The following SLC45A4 variants were observed in gnomAD, a reference collection of about 807,000 sequenced individuals.
SLC45A4 encodes the protein polyamine-transporter SLC45A4.
A neutral mutation model predicts 63.7 loss-of-function variants in SLC45A4; 32 were observed. The ratio of observed to expected loss-of-function variants is 0.50; its 90% confidence interval spans 0.38 to 0.67. The LOEUF is 0.67. Among genes scored for constraint, SLC45A4 ranks in the 30% least tolerant of loss-of-function variants. The pLI is 0.00. For synonymous variants in SLC45A4, 535 were observed against 510.0 expected (o/e 1.05, Z -0.66); for missense variants, 1,027 against 1,157.7 (o/e 0.89, Z 1.64).
intron 4 of SLC45A4, among the ~76,000 whole-genome samples, 194 bp from the exon 5 acceptor site, chr8:141,219,223 G>A (rs1381741489): frequency 1.3e-5 from 2 of 152,254 alleles, no homozygotes; most frequent in East Asian, 1.9e-4. Flanking sequence ...ATTCTGACCC[G>A]ACAGAACTGC....
intron 2 of SLC45A4, among the ~76,000 whole-genome samples, chr8:141,237,286 G>A (rs1439467411): frequency 6.6e-6 from 1 of 152,036 alleles, no homozygotes; most frequent in African/African-American, 2.4e-5. Context: ...GTCCTTCCCT[G>A]CCTGAAACAC....
At position 141,221,624 on chromosome 8, in the gene SLC45A4, A is replaced by G; in HGVS notation, c.383T>C (p.Val128Ala). 1 of 1,613,994 alleles carries G rather than the reference A, an allele frequency of 6.2e-7. No individual in the cohort carries two copies. Among genetic ancestry groups the G allele is most frequent in the Non-Finnish European group, 8.5e-7 (1 of 1,180,042 alleles). The change falls in exon 3 of 9, where the codon GTT becomes GCT. Residue 128 changes from valine (V) to alanine (A), a missense_variant. Physicochemically the swap from Val to Ala is moderately conservative, Grantham distance 64. Coordinates refer to ENST00000517878, the MANE Select transcript of SLC45A4 (RefSeq NM_001286646.2). ...AAGTGCAACGCCAAAGAGGACGCCA[A>G]CGCAGAGGGCGAGGATGAAGGGCCG... ...RRRPFILALC[V>A]GVLFGVALFL...
chr8:141,242,783 T>G (rs1827978034), intron 2 of SLC45A4, among the ~76,000 whole-genome samples: 1 of 152,142 alleles, frequency 6.6e-6, no homozygotes, highest in Admixed American at 6.5e-5. Flanking sequence ...GGCCCGAGAC[T>G]GGAGGCCACA....
intron 1 of SLC45A4, among the ~76,000 whole-genome samples, chr8:141,259,425 G>A (rs897199292): frequency 7.9e-5 from 12 of 152,182 alleles, no homozygotes; most frequent in Admixed American, 4.6e-4. Context: ...ATCACCCTTC[G>A]GAGCAGGCTG....
intron 1 of SLC45A4, among the ~76,000 whole-genome samples, chr8:141,295,134 C>T (rs766051361): frequency 4.6e-5 from 7 of 152,196 alleles, no homozygotes; most frequent in Non-Finnish European, 1.0e-4. Context: ...GAGGAAGCAG[C>T]GCTGTGTGGT....
intron 1 of SLC45A4, among the ~76,000 whole-genome samples, chr8:141,284,422 G>A (rs1830068133): frequency 6.6e-6 from 1 of 152,228 alleles, no homozygotes; most frequent in African/African-American, 2.4e-5. Flanking sequence ...GCACTCCACG[G>A]CCATCCGGGG....
chr8:141,271,897 TAC>T (rs780312912), intron 1 of SLC45A4, among the ~76,000 whole-genome samples: 7 of 150,716 alleles, frequency 4.6e-5, no homozygotes, highest in Non-Finnish European at 8.9e-5. Flanking sequence ...CACACCTGCG[TAC>T]ACATACATGC....
rs894157782 is a variant in SLC45A4 at position 141,229,213 on chromosome 8, C to T, written c.242-7448G>A. ...GACCCCTGGTTCCTCCCTCATCCTC[C>T]GTAACCCACCCGCCACCTGCAGTCA... On this transcript the variant is annotated intron_variant, in intron 2 of 8. Transcript: ENST00000517878. The surrounding 1 kb of genome is among the most constrained non-coding windows in gnomAD (Gnocchi z 5.0). 7.2e-5 allele frequency among the ~76,000 whole-genome samples: 11 copies of T among 152,084 alleles called. No individual in the cohort carries two copies. Among genetic ancestry groups the T allele is most frequent in the Admixed American group, 3.3e-4 (5 of 15,272 alleles).
chr8:141,237,034 A>C (rs1827662671), intron 2 of SLC45A4, among the ~76,000 whole-genome samples: 1 of 152,220 alleles, frequency 6.6e-6, no homozygotes, highest in South Asian at 2.1e-4. Context: ...TTCGGCAGAA[A>C]TAATTGATTT....
intron 1 of SLC45A4, among the ~76,000 whole-genome samples, chr8:141,263,437 T>A (rs896083940): frequency 6.6e-6 from 1 of 151,430 alleles, no homozygotes; most frequent in African/African-American, 2.4e-5. Context: ...AATAAATAAA[T>A]AAATAAATAA....
intron 1 of SLC45A4, among the ~76,000 whole-genome samples, chr8:141,272,671 C>A (rs968219232): frequency 6.6e-6 from 1 of 152,206 alleles, no homozygotes; most frequent in African/African-American, 2.4e-5. Flanking sequence ...CCTCACCCCC[C>A]CTACTCCTGC....
Position 141,256,511 on chromosome 8 carries a change from G to A in SLC45A4, c.-400-1882C>T, listed in dbSNP as rs1307481405. 1 of 456,136 alleles carries A rather than the reference G, an allele frequency of 2.2e-6. No homozygotes were observed. The highest frequency in any genetic ancestry group is 4.4e-6 in the Non-Finnish European group (1 of 226,884). 28.3% of individuals were successfully genotyped at this position (456,136 alleles called of 1,614,324 possible). The stretch of plus-strand genomic sequence containing the variant: ...TCACACAGCCCTGATGGAGAAGGTG[G>A]GTCCCTGGCACGTGGGCCCCAGGAG... On this transcript the variant is annotated intron_variant, in intron 1 of 8. Coordinates refer to ENST00000517878, the MANE Select transcript of SLC45A4 (RefSeq NM_001286646.2). This position sits in a 1 kb window ranked among gnomAD's most constrained non-coding sequence, Gnocchi z 4.3.
At chr8:141,212,145 C>CCCGGGGGGGGGGGGGG in intron 8 of SLC45A4, 52 bp downstream of exon 8, 2 of 955,996 alleles carry the variant, frequency 2.1e-6, no homozygotes, top group East Asian at 6.2e-5. Context: ...GCCGCCCGCC[C>CCCGGGGGGGGGGGGGG]GCCCGCCCAC....
At chr8:141,298,112 C>T (rs1830627574) in intron 1 of SLC45A4, among the ~76,000 whole-genome samples, 1 of 152,148 alleles carries the variant, frequency 6.6e-6, no homozygotes, top group Non-Finnish European at 1.5e-5. Flanking sequence ...TTCTGCAAAG[C>T]CCTTCCCTTC....
chr8:141,289,797 G>A (rs1830280841), intron 1 of SLC45A4, among the ~76,000 whole-genome samples: 1 of 152,066 alleles, frequency 6.6e-6, no homozygotes, highest in Non-Finnish European at 1.5e-5. Context: ...CCAGCCCAGG[G>A]AGCACTCCAG....
intron 2 of SLC45A4, among the ~76,000 whole-genome samples, chr8:141,230,784 AAAG>A (rs1827303463): frequency 6.6e-6 from 1 of 151,930 alleles, no homozygotes; most frequent in South Asian, 2.1e-4. Context: ...GAAGAAATGA[AAAG>A]AAGAGAAATG....
chr8:141,218,439 C>T lies in SLC45A4; in HGVS notation c.1201G>A (p.Val401Met), dbSNP rs547714475. ...GACGTGGCCGAGGGCTTCGTGTCCACCCTGGTGTAGCCGCCGAGGGCGTCT... is the reference window on the plus strand; with the variant it reads ...GACGTGGCCGAGGGCTTCGTGTCCATCCTGGTGTAGCCGCCGAGGGCGTCT... ...TKDALGGYTR[V>M]DTKPSATSSS... is the part of the protein sequence containing the mutation. Residue 401 changes from valine (V) to methionine (M), a missense_variant, in exon 5 of 9, where the codon GTG becomes ATG. Val to Met is a conservative substitution (Grantham distance 21). Coordinates refer to ENST00000517878, the MANE Select transcript of SLC45A4 (RefSeq NM_001286646.2). 6 of 1,612,480 alleles carry T rather than the reference C, an allele frequency of 3.7e-6. No homozygotes were observed. The highest frequency in any genetic ancestry group is 5.1e-6 in the Non-Finnish European group (6 of 1,179,944).
chr8:141,260,928 A>G (rs1321461066), intron 1 of SLC45A4, among the ~76,000 whole-genome samples: 1 of 152,246 alleles, frequency 6.6e-6, no homozygotes, highest in Non-Finnish European at 1.5e-5. Flanking sequence ...ACCAAAAAAG[A>G]GAATTTTAGA....
intron 1 of SLC45A4, among the ~76,000 whole-genome samples, chr8:141,286,125 C>G (rs1476163273): frequency 6.6e-6 from 1 of 152,140 alleles, no homozygotes; most frequent in Non-Finnish European, 1.5e-5. Context: ...GTGAGCTATG[C>G]CCAGAGGAGT....
Sources: allele counts gnomAD v4.1 joint callset (sites outside exome capture counted in the v4.1 genomes callset), GRCh38; gene constraint gnomAD v4.1.1; non-coding constraint Gnocchi (gnomAD v3.1); transcripts MANE v1.5; gene names NCBI Gene and HGNC (gene_info 2026-07-23, HGNC 2026-07-21).